The following ZC2HC1B variants were observed in gnomAD, a reference collection of about 807,000 sequenced individuals.
ZC2HC1B encodes the protein zinc finger C2HC domain-containing protein 1B.
ZC2HC1B carries 36 observed loss-of-function variants against 31.0 expected under a neutral mutation model. That is an observed-to-expected ratio of 1.16 (90% confidence interval 0.89 to 1.54). The LOEUF is 1.54. ZC2HC1B is among the 40% of genes most tolerant of loss of function. The pLI, the probability that ZC2HC1B is intolerant of heterozygous loss-of-function variation, is 0.00. For missense variants in ZC2HC1B, 260 were observed against 268.6 expected (o/e 0.97, Z 0.22); for synonymous variants, 73 against 88.0 (o/e 0.83, Z 0.95).
intron 1 of ZC2HC1B, chr6:143,881,714 T>A (rs561958769): frequency 1.3e-5 from 2 of 152,262 alleles, no homozygotes; most frequent in Admixed American, 1.3e-4. Flanking sequence ...ACATATTCCA[T>A]GTGATTCAAT....
intron 1 of ZC2HC1B, among the ~76,000 whole-genome samples, chr6:143,874,686 A>T (rs963087194): frequency 3.9e-5 from 6 of 152,124 alleles, no homozygotes; most frequent in Non-Finnish European, 7.4e-5. Flanking sequence ...CTATCACAAG[A>T]ACAGCATGGG....
intron 4 of ZC2HC1B, among the ~76,000 whole-genome samples, chr6:143,896,708 T>C (rs909995375): frequency 6.6e-6 from 1 of 152,210 alleles, no homozygotes; most frequent in African/African-American, 2.4e-5. Context: ...ATGTAGGTGC[T>C]GGGAAAATGG....
At chr6:143,893,757 G>A (rs1321141965) in intron 4 of ZC2HC1B, among the ~76,000 whole-genome samples, 1 of 151,826 alleles carries the variant, frequency 6.6e-6, no homozygotes, top group Non-Finnish European at 1.5e-5. Context: ...CACCATCTCG[G>A]CTCACTGCAA....
rs548181574 is a variant in ZC2HC1B at position 143,872,772 on chromosome 6, A to G, written c.28+8205A>G. On this transcript the variant is annotated intron_variant, in intron 1 of 7. Coordinates refer to ENST00000237275, the MANE Select transcript of ZC2HC1B (RefSeq NM_001013623.3). This position sits in a 1 kb window ranked among gnomAD's most constrained non-coding sequence, Gnocchi z 5.5. ...TCAGATCTCATGAGACTCAATCACTATCATAAGAATAGCATGGGAAAGACC... is the reference window on the plus strand; with the variant it reads ...TCAGATCTCATGAGACTCAATCACTGTCATAAGAATAGCATGGGAAAGACC... Among the ~76,000 whole-genome samples, 2 of 152,302 alleles carry G rather than the reference A, an allele frequency of 1.3e-5. No individual in the cohort carries two copies. The highest frequency in any genetic ancestry group is 2.4e-5 in the African/African-American group (1 of 41,558).
chr6:143,890,127 A>G (rs1181916210), intron 4 of ZC2HC1B, among the ~76,000 whole-genome samples: 1 of 152,154 alleles, frequency 6.6e-6, no homozygotes, highest in East Asian at 1.9e-4. Flanking sequence ...GAAAACATCT[A>G]ACTTTGTGGG....
chr6:143,892,222 A>G (rs887195441), intron 4 of ZC2HC1B, among the ~76,000 whole-genome samples: 2 of 151,936 alleles, frequency 1.3e-5, no homozygotes, highest in African/African-American at 4.8e-5. Flanking sequence ...TGGAAGGTGA[A>G]GGGGAGCAGG....
rs951228877 is a variant in ZC2HC1B, at chr6:143,870,832, A to G, written c.28+6265A>G. ...GCCATCTGCCACTGACACCTCAAGTACCATTGGATCTGCTGGGTCATATGG... is the reference window on the plus strand; with the variant it reads ...GCCATCTGCCACTGACACCTCAAGTGCCATTGGATCTGCTGGGTCATATGG... On this transcript the variant is annotated intron_variant, in intron 1 of 7. Coordinates refer to ENST00000237275, the MANE Select transcript of ZC2HC1B (RefSeq NM_001013623.3). The surrounding 1 kb of genome is among the most constrained non-coding windows in gnomAD (Gnocchi z 4.7). Among the ~76,000 whole-genome samples the G allele has an allele frequency of 2.0e-5, 3 of 152,206 alleles. No homozygotes were observed. The highest frequency in any genetic ancestry group is 7.2e-5 in the African/African-American group (3 of 41,444).
chr6:143,864,526 GAGTT>G lies in ZC2HC1B; in HGVS notation c.-11_-8del. ...AAAAATCTGTGAACACTGTTGCTCT[GAGTT>G]AGGAACAGAATGGCTGGGGCAGAAC... On this transcript the variant is annotated 5_prime_UTR_variant, in exon 1 of 8. Transcript: ENST00000237275. 1.9e-6 allele frequency: 3 copies of G among 1,551,604 alleles called. No individual in the cohort carries two copies. Among genetic ancestry groups the G allele is most frequent in the Non-Finnish European group, 2.6e-6 (3 of 1,146,918 alleles).
chr6:143,900,287 G>T (rs973439717), intron 5 of ZC2HC1B, among the ~76,000 whole-genome samples: 1 of 151,860 alleles, frequency 6.6e-6, no homozygotes, highest in Non-Finnish European at 1.5e-5. Context: ...TATTTGTGAG[G>T]CTGAGGCAGG....
chr6:143,869,690 G>C lies in ZC2HC1B; in HGVS notation c.28+5123G>C, dbSNP rs1777313348. ...GTTCAATGTAATCAACCTGCCAGCA[G>C]GTAGCTGGCTGATCACCCTGAGAAG... On this transcript the variant is annotated intron_variant, in intron 1 of 7. Transcript: ENST00000237275. The surrounding 1 kb of genome is among the most constrained non-coding windows in gnomAD (Gnocchi z 5.2). 6.6e-6 allele frequency among the ~76,000 whole-genome samples: 1 copy of C among 152,218 alleles called. No homozygotes were observed. The highest frequency in any genetic ancestry group is 2.1e-4 in the South Asian group (1 of 4,834).
At chr6:143,892,183 C>T (rs1045706097) in intron 4 of ZC2HC1B, among the ~76,000 whole-genome samples, 1 of 151,978 alleles carries the variant, frequency 6.6e-6, no homozygotes, top group Admixed American at 6.6e-5. Context: ...CTGCTTCTCT[C>T]GAGGATCTCA....
rs761050304 is a variant in ZC2HC1B, at chr6:143,921,538, TATC to T, written c.599-16108_599-16106del. On this transcript the variant is annotated intron_variant, in intron 6 of 7. Transcript: ENST00000237275. The surrounding 1 kb of genome is among the most constrained non-coding windows in gnomAD (Gnocchi z 6.1). ...TCAAATTATTATCATAGAATAGAATTATCATGTTAATTAGCTTTAAGAGATAGC... is the reference window on the plus strand; with the variant it reads ...TCAAATTATTATCATAGAATAGAATTATGTTAATTAGCTTTAAGAGATAGC... Among the ~76,000 whole-genome samples the T allele has an allele frequency of 3.3e-5, 5 of 152,246 alleles. No homozygotes were observed. The East Asian group carries it at 9.6e-4, about 29-fold the overall frequency.
At chr6:143,904,023 G>A (rs113737561) in intron 6 of ZC2HC1B, among the ~76,000 whole-genome samples, 40 of 152,284 alleles carry the variant, frequency 2.6e-4, no homozygotes, top group African/African-American at 7.2e-4. Context: ...CAGAACCATA[G>A]GAGCCATCCT....
chr6:143,925,821 C>A (rs1778033397), intron 6 of ZC2HC1B, among the ~76,000 whole-genome samples: 1 of 152,134 alleles, frequency 6.6e-6, no homozygotes, highest in Non-Finnish European at 1.5e-5. Context: ...AGGCATGAGC[C>A]ACGGTGCCCA....
chr6:143,912,679 G>A (rs1172398875), intron 6 of ZC2HC1B, among the ~76,000 whole-genome samples: 1 of 152,202 alleles, frequency 6.6e-6, no homozygotes, highest in Non-Finnish European at 1.5e-5. Flanking sequence ...TTGCCTGTAG[G>A]AGGTGGCTGA....
At chr6:143,906,240 C>A (rs1390477302) in intron 6 of ZC2HC1B, among the ~76,000 whole-genome samples, 1 of 151,962 alleles carries the variant, frequency 6.6e-6, no homozygotes, top group South Asian at 2.1e-4. Context: ...ATATTCTATT[C>A]GTTCATGATT....
rs532582978 is a variant in ZC2HC1B at position 143,865,909 on chromosome 6, G to A, written c.28+1342G>A. Among the ~76,000 whole-genome samples, 5 of 152,214 alleles carry A rather than the reference G, an allele frequency of 3.3e-5. No homozygotes were observed. The highest frequency in any genetic ancestry group is 1.2e-4 in the African/African-American group (5 of 41,526). On this transcript the variant is annotated intron_variant, in intron 1 of 7. Transcript: ENST00000237275. The surrounding 1 kb of genome is among the most constrained non-coding windows in gnomAD (Gnocchi z 4.4). ...CATCTCACTGCAACCTCCAACTCCC[G>A]GGTTCAGGCGATTCCCCTGCCTCAG... is the stretch of plus-strand genomic sequence containing the variant.
chr6:143,934,277 A>G lies in ZC2HC1B; in HGVS notation c.599-3372A>G, dbSNP rs752244468. ...TGTGATTTCTTTTGTTTTTCCTGGT[A>G]TGCTCCTGCAGTTGTTCCTGGAGCA... On this transcript the variant is annotated intron_variant, in intron 6 of 7. Transcript: ENST00000237275. The surrounding 1 kb of genome is among the most constrained non-coding windows in gnomAD (Gnocchi z 4.6). 5.3e-5 allele frequency among the ~76,000 whole-genome samples: 8 copies of G among 152,168 alleles called. No homozygotes were observed. The highest frequency in any genetic ancestry group is 1.0e-4 in the Non-Finnish European group (7 of 68,026).
Position 143,886,181 on chromosome 6 carries a change from T to G in ZC2HC1B, c.210+30T>G. 2.0e-6 allele frequency: 3 copies of G among 1,496,980 alleles called. No homozygotes were observed. The highest frequency in any genetic ancestry group is 2.7e-6 in the Non-Finnish European group (3 of 1,126,896). 92.7% of individuals were successfully genotyped at this position (1,496,980 alleles called of 1,614,324 possible). A position where few individuals can be genotyped will look rare whatever the true frequency, so the allele number is the denominator to read the frequency against. ...TCCTGATATCTTCTTTAGTGTTTGT[T>G]ATTACATTCTGCGGTACTGTAAGGC... On this transcript the variant is annotated intron_variant, in intron 3 of 7. Transcript: ENST00000237275. The surrounding 1 kb of genome is among the most constrained non-coding windows in gnomAD (Gnocchi z 4.2).
Sources: gnomAD v4.1 joint callset for allele counts (sites outside exome capture counted in the v4.1 genomes callset) on GRCh38, gnomAD v4.1.1 for gene constraint, Gnocchi (gnomAD v3.1) non-coding constraint, MANE v1.5 for transcripts, NCBI Gene and HGNC (gene_info 2026-07-23, HGNC 2026-07-21) for gene names.